SLC7A5: variants seen among roughly 807,000 people sequenced by gnomAD.
The protein encoded by SLC7A5 is large neutral amino acids transporter small subunit 1.
Under a neutral mutation model 50.2 loss-of-function variants are expected in SLC7A5, and 23 were observed. That is an observed-to-expected ratio of 0.46 (90% CI 0.33 to 0.65). The LOEUF (loss-of-function observed/expected upper bound fraction) is 0.65. Ranked by LOEUF, SLC7A5 falls within the 30% of genes least tolerant of loss-of-function variation. The probability of loss-of-function intolerance (pLI) is 0.02; values close to 1 mark genes in which losing one functional copy is unlikely to be tolerated. For synonymous variants in SLC7A5, 393 were observed against 330.6 expected, an observed-to-expected ratio of 1.19 and a Z score of -2.05; for missense variants, 578 against 684.4, an observed-to-expected ratio of 0.84 and a Z score of 1.73.
Position 87,837,848 on chromosome 16 carries a change from G to T in SLC7A5, c.1137C>A (p.Phe379Leu). Reference sequence around the variant, plus strand: ...CAGGGCCGTGCAGCAGGCTTACCGTGAACACGAGGGACGGCACGGGGGTGA... The same window carrying T: ...CAGGGCCGTGCAGCAGGCTTACCGTTAACACGAGGGACGGCACGGGGGTGA... The part of the protein sequence containing the change: ...QLLTPVPSLV[F>L]TCVMTLLYAF... Residue 379 changes from phenylalanine (F) to leucine (L), a missense_variant, in exon 7 of 10, where the codon TTC (phenylalanine) becomes TTA (leucine). Physicochemically the swap from Phe to Leu is conservative, Grantham distance 22 (BLOSUM62 0). Coordinates refer to ENST00000261622, the MANE Select transcript of SLC7A5 (RefSeq NM_003486.7). 1 of 1,603,348 alleles carries T rather than the reference G, an allele frequency of 6.2e-7. No individual in the cohort carries two copies. Among genetic ancestry groups the T allele is most frequent in the Non-Finnish European group, 8.5e-7 (1 of 1,176,372 alleles).
rs765755660 is a variant in SLC7A5 at position 87,851,842 on chromosome 16, G to T, written c.546C>A (p.Leu182=). The change falls in exon 2 of 10, where the codon CTC becomes CTA. Residue 182 remains leucine, a synonymous_variant. Transcript: ENST00000261622. Reference sequence around the variant, plus strand: ...TCACGCTGTAGCAGTTCACGGCCGTGAGCAGCACTGTGGAGACAGAGGGCA... The same window carrying T: ...TCACGCTGTAGCAGTTCACGGCCGTTAGCAGCACTGTGGAGACAGAGGGCA... The part of the protein sequence containing the change: ...KLVACLCVLL[L]TAVNCYSVKA... 1 of 1,613,026 alleles carries T rather than the reference G, an allele frequency of 6.2e-7. No individual in the cohort carries two copies. Among genetic ancestry groups the T allele is most frequent in the Non-Finnish European group, 8.5e-7 (1 of 1,179,978 alleles).
intron 1 of SLC7A5, among the ~76,000 whole-genome samples, chr16:87,857,608 A>G (rs757184433): frequency 3.3e-5 from 5 of 152,180 alleles, no homozygotes; most frequent in Admixed American, 1.3e-4. Context: ...TAATGGCTCA[A>G]TTTTGATGCC....
chr16:87,867,378 T>C (rs569342099), intron 1 of SLC7A5, among the ~76,000 whole-genome samples: 1 of 152,146 alleles, frequency 6.6e-6, no homozygotes, highest in Non-Finnish European at 1.5e-5. Context: ...TACATTCACA[T>C]CTCCAACGCC....
intron 8 of SLC7A5, among the ~76,000 whole-genome samples, chr16:87,835,816 C>T (rs1369552584): frequency 6.6e-6 from 1 of 152,216 alleles, no homozygotes; most frequent in Non-Finnish European, 1.5e-5. Context: ...CCGGGGCCCC[C>T]AGGCTTCGGG....
chr16:87,858,994 G>A (rs1211800542), intron 1 of SLC7A5, among the ~76,000 whole-genome samples: 3 of 152,212 alleles, frequency 2.0e-5, no homozygotes, highest in African/African-American at 7.2e-5. Context: ...GCTTGCACCG[G>A]CCCAGATGCT....
chr16:87,839,758 C>G lies in SLC7A5; in HGVS notation c.883G>C (p.Ala295Pro). Residue 295 changes from alanine (A) to proline (P), a missense_variant, in exon 5 of 10, where the codon GCC becomes CCC. By Grantham distance (27) the Ala-to-Pro change is conservative (BLOSUM62 -1). Coordinates refer to ENST00000261622, the MANE Select transcript of SLC7A5 (RefSeq NM_003486.7). ...TCGGTGGACAGGGTGGTGAAGTAGGCCAGGTTGGTCAGCACGTACACCAGC... is the reference window on the plus strand; with the variant it reads ...TCGGTGGACAGGGTGGTGAAGTAGGGCAGGTTGGTCAGCACGTACACCAGC... ...VTLVYVLTNL[A>P]YFTTLSTEQM... The G allele has an allele frequency of 6.2e-7, 1 of 1,613,852 alleles. No individual in the cohort carries two copies. Among genetic ancestry groups the G allele is most frequent in the Non-Finnish European group, 8.5e-7 (1 of 1,179,974 alleles).
At chr16:87,842,259 A>G (rs547810141) in intron 2 of SLC7A5, among the ~76,000 whole-genome samples, 52 of 152,312 alleles carry the variant, frequency 3.4e-4, no homozygotes, top group African/African-American at 1.2e-3. Context: ...TTCCTGCTGG[A>G]AAGTCACCAG....
intron 8 of SLC7A5, 58 bp from the exon 9 acceptor site, chr16:87,834,649 GC>G: frequency 6.5e-7 from 1 of 1,542,702 alleles, no homozygotes. Flanking sequence ...CCTCCCCCAT[GC>G]CCCGAGGTTC....
chr16:87,846,707 C>T (rs1027562338), intron 2 of SLC7A5, among the ~76,000 whole-genome samples: 3 of 152,336 alleles, frequency 2.0e-5, no homozygotes, highest in Middle Eastern at 3.4e-3. Flanking sequence ...CCGACTCTCC[C>T]GCCGGCATCC....
chr16:87,855,136 C>T (rs901350484), intron 1 of SLC7A5, among the ~76,000 whole-genome samples: 2 of 152,196 alleles, frequency 1.3e-5, no homozygotes, highest in East Asian at 1.9e-4. Context: ...ATTGGGGACG[C>T]GGCCAGCCCA....
At chr16:87,847,650 C>G (rs4990615) in intron 2 of SLC7A5, among the ~76,000 whole-genome samples, 2 of 152,196 alleles carry the variant, frequency 1.3e-5, no homozygotes, top group South Asian at 4.1e-4. Context: ...TCCACCCGAA[C>G]GCACCTTGGG....
At chr16:87,858,361 C>T (rs184816188) in intron 1 of SLC7A5, among the ~76,000 whole-genome samples, 3 of 152,258 alleles carry the variant, frequency 2.0e-5, no homozygotes, top group Admixed American at 2.0e-4. Context: ...CCGTGGGCAC[C>T]AGTGATAAGG....
In SLC7A5 at chr16:87,861,492, C is replaced by T. The variant is rs1331177431; in HGVS notation, c.538+7393G>A. 6.6e-6 allele frequency among the ~76,000 whole-genome samples: 1 copy of T among 152,162 alleles called. No individual in the cohort carries two copies. Among genetic ancestry groups the T allele is most frequent in the African/African-American group, 2.4e-5 (1 of 41,432 alleles). On this transcript the variant is annotated intron_variant, in intron 1 of 9. Transcript: ENST00000261622. The surrounding 1 kb of genome is among the most constrained non-coding windows in gnomAD (Gnocchi z 4.2). ...GCACTGTGGCCCCTGGCTCCTGGCT[C>T]GCTCCTGCCTCAGTTTCCCCAGCTG...
intron 2 of SLC7A5, among the ~76,000 whole-genome samples, chr16:87,844,839 A>G (rs1276084559): frequency 6.6e-6 from 1 of 152,266 alleles, no homozygotes; most frequent in Non-Finnish European, 1.5e-5. Context: ...TGTGCTGAAC[A>G]GTGTCCCCAA....
At chr16:87,836,720 G>A (rs1353783109) in intron 7 of SLC7A5, 73 bp from the exon 8 acceptor site, 3 of 1,547,600 alleles carry the variant, frequency 1.9e-6, no homozygotes, top group East Asian at 4.5e-5. Flanking sequence ...GTGGCCACCG[G>A]GGACTGTCCA....
At chr16:87,845,101 C>G (rs550612534) in intron 2 of SLC7A5, among the ~76,000 whole-genome samples, 3 of 152,186 alleles carry the variant, frequency 2.0e-5, no homozygotes, top group Admixed American at 1.3e-4. Context: ...CTGCCAGGAC[C>G]AGGACCGTCT....
In SLC7A5 at chr16:87,861,027, G is replaced by A. The variant is rs1177316698; in HGVS notation, c.538+7858C>T. On this transcript the variant is annotated intron_variant, in intron 1 of 9. Coordinates refer to ENST00000261622, the MANE Select transcript of SLC7A5 (RefSeq NM_003486.7). This position sits in a 1 kb window ranked among gnomAD's most constrained non-coding sequence, Gnocchi z 4.2. ...AGGAGACGCTGTGGGGGGCCCTCCT[G>A]TTGGAAAAGGGCAGCAGCGGGAAGA... Among the ~76,000 whole-genome samples, 2 of 152,216 alleles carry A rather than the reference G, an allele frequency of 1.3e-5. No individual in the cohort carries two copies. Among genetic ancestry groups the A allele is most frequent in the African/African-American group, 4.8e-5 (2 of 41,454 alleles).
At chr16:87,839,926 G>C (rs2055062522) in intron 4 of SLC7A5, 101 bp from the exon 5 acceptor site, 5 of 1,499,920 alleles carry the variant, frequency 3.3e-6, no homozygotes, top group Non-Finnish European at 4.6e-6. Context: ...AGTAGCTCCA[G>C]CCTCTGTGCT....
intron 1 of SLC7A5, among the ~76,000 whole-genome samples, chr16:87,855,143 C>T (rs2055299558): frequency 6.6e-6 from 1 of 152,198 alleles, no homozygotes; most frequent in South Asian, 2.1e-4. Flanking sequence ...ACGCGGCCAG[C>T]CCATTTCTCC....
Sources: allele counts gnomAD v4.1 joint callset (sites outside exome capture counted in the v4.1 genomes callset), GRCh38; gene constraint gnomAD v4.1.1; non-coding constraint Gnocchi (gnomAD v3.1); transcripts MANE v1.5; gene names NCBI Gene and HGNC (gene_info 2026-07-23, HGNC 2026-07-21).